Variants in TNFRSF11A observed in about 807,000 individuals in gnomAD.
TNFRSF11A encodes tumor necrosis factor receptor superfamily member 11A.
Under a neutral mutation model 55.7 loss-of-function variants are expected in TNFRSF11A, and 32 were observed. The ratio of observed to expected loss-of-function variants is 0.57; its 90% CI spans 0.43 to 0.77. TNFRSF11A has a LOEUF of 0.77. TNFRSF11A is among the 30% of genes least tolerant of loss of function. TNFRSF11A has a pLI of 0.00. For synonymous variants in TNFRSF11A, 311 were observed against 331.0 expected (o/e 0.94, Z 0.65); for missense variants, 753 against 809.8 (o/e 0.93, Z 0.85).
At chr18:62,359,384 A>AT (rs60260029) in intron 5 of TNFRSF11A, among the ~76,000 whole-genome samples, 12 of 150,108 alleles carry the variant, frequency 8.0e-5, no homozygotes, top group African/African-American at 9.8e-5. Flanking sequence ...TGGAATATGC[A>AT]TTTTTTTTTT....
intron 3 of TNFRSF11A, among the ~76,000 whole-genome samples, chr18:62,353,150 C>T (rs2046498292): frequency 6.6e-6 from 1 of 152,316 alleles, no homozygotes; most frequent in Non-Finnish European, 1.5e-5. Context: ...GCCATTACTC[C>T]TAGTGGATTA....
intron 2 of TNFRSF11A, 128 bp from the exon 3 acceptor site, chr18:62,349,684 C>T (rs1204558240): frequency 4.6e-6 from 5 of 1,090,372 alleles, no homozygotes; most frequent in Non-Finnish European, 5.5e-6. Flanking sequence ...TGGGGGGTGT[C>T]CTGGGATCAT....
chr18:62,345,641 A>G (rs1233333220), intron 1 of TNFRSF11A, among the ~76,000 whole-genome samples: 3 of 152,142 alleles, frequency 2.0e-5, no homozygotes, highest in African/African-American at 7.2e-5. Context: ...GATAGCCGCG[A>G]TGGTTGTTCA....
In TNFRSF11A at chr18:62,389,379, A is replaced by C. The variant is rs908703100; in HGVS notation, c.*4345A>C. ...CCAGCAGTGAGCACAGGCGGGGTCT[A>C]GGTGGGATCACTGAAGCCAAGCCAA... On this transcript the variant is annotated 3_prime_UTR_variant, in exon 10 of 10. Coordinates refer to ENST00000586569, the MANE Select transcript of TNFRSF11A (RefSeq NM_003839.4). 6.6e-5 allele frequency: 10 copies of C among 152,520 alleles called. No individual in the cohort carries two copies. The East Asian group carries it at 1.2e-3, about 18-fold the overall frequency. The allele number at this position is 152,520 out of a possible 1,614,324, so 9.4% of individuals were successfully genotyped here.
At chr18:62,365,105 C>T (rs141660852) in intron 7 of TNFRSF11A, among the ~76,000 whole-genome samples, 2,710 of 152,214 alleles carry the variant, frequency 0.018, 37 homozygotes, top group Non-Finnish European at 0.027. Context: ...GGACCACAGG[C>T]ATGCACCACC....
chr18:62,356,614 A>C (rs552791592), intron 4 of TNFRSF11A, among the ~76,000 whole-genome samples: 5 of 152,228 alleles, frequency 3.3e-5, no homozygotes, highest in Admixed American at 6.5e-5. Flanking sequence ...TTCAATTCAG[A>C]ACAAGTCAGC....
chr18:62,334,788 A>C (rs1160906598), intron 1 of TNFRSF11A, among the ~76,000 whole-genome samples: 1 of 152,164 alleles, frequency 6.6e-6, no homozygotes, highest in African/African-American at 2.4e-5. Context: ...CAGAACACAC[A>C]TGGCCTCTGG....
chr18:62,385,156 C>A lies in TNFRSF11A; in HGVS notation c.*122C>A. Reference sequence around the variant, plus strand: ...GGTACAGTCGAGGAAGACCACCCGGCATTCTCTGCCCACTTTGCCTTCCAG... The same window carrying A: ...GGTACAGTCGAGGAAGACCACCCGGAATTCTCTGCCCACTTTGCCTTCCAG... On this transcript the variant is annotated 3_prime_UTR_variant, in exon 10 of 10. Transcript: ENST00000586569. 1 of 1,140,546 alleles carries A rather than the reference C, an allele frequency of 8.8e-7. No homozygotes were observed. Among genetic ancestry groups the A allele is most frequent in the Non-Finnish European group, 1.1e-6 (1 of 871,988 alleles). 70.7% of individuals were successfully genotyped at this position (1,140,546 alleles called of 1,614,324 possible).
intron 1 of TNFRSF11A, among the ~76,000 whole-genome samples, chr18:62,334,217 C>G (rs2046198160): frequency 6.6e-6 from 1 of 152,106 alleles, no homozygotes. Flanking sequence ...TAAGGCTAAT[C>G]CAGATAAAAG....
chr18:62,387,166 A>G lies in TNFRSF11A; in HGVS notation c.*2132A>G, dbSNP rs1283663177. 1 of 152,214 alleles carries G rather than the reference A, an allele frequency of 6.6e-6. No individual in the cohort carries two copies. Among genetic ancestry groups the G allele is most frequent in the African/African-American group, 2.4e-5 (1 of 41,452 alleles). 9.4% of individuals were successfully genotyped at this position (152,214 alleles called of 1,614,324 possible). ...TAAAGTACCTTGAGATCCTTAAATC[A>G]AAGGTGCTATATACATAAGTAAGAC... On this transcript the variant is annotated 3_prime_UTR_variant, in exon 10 of 10. Coordinates refer to ENST00000586569, the MANE Select transcript of TNFRSF11A (RefSeq NM_003839.4).
chr18:62,355,677 C>T (rs1274888365), intron 4 of TNFRSF11A, among the ~76,000 whole-genome samples: 1 of 152,142 alleles, frequency 6.6e-6, no homozygotes, highest in Non-Finnish European at 1.5e-5. Flanking sequence ...CAATTGGTCA[C>T]AAATGAATAT....
chr18:62,355,909 A>G (rs1333309145), intron 4 of TNFRSF11A, among the ~76,000 whole-genome samples: 1 of 152,258 alleles, frequency 6.6e-6, no homozygotes, highest in African/African-American at 2.4e-5. Flanking sequence ...CACTTTGGTT[A>G]TAGGTGTGTC....
At chr18:62,371,259 A>C (rs1280021923) in intron 9 of TNFRSF11A, among the ~76,000 whole-genome samples, 1 of 152,182 alleles carries the variant, frequency 6.6e-6, no homozygotes, top group African/African-American at 2.4e-5. Context: ...CCACACTGTC[A>C]GGGGCAGACC....
In TNFRSF11A at chr18:62,386,848, G is replaced by A. The variant is rs933741817; in HGVS notation, c.*1814G>A. The A allele has an allele frequency of 6.6e-6, 1 of 152,208 alleles. No homozygotes were observed. Among genetic ancestry groups the A allele is most frequent in the Non-Finnish European group, 1.5e-5 (1 of 68,036 alleles). 9.4% of individuals were successfully genotyped at this position (152,208 alleles called of 1,614,324 possible). A position where few individuals can be genotyped will look rare whatever the true frequency, so the allele number is the denominator to read the frequency against. On this transcript the variant is annotated 3_prime_UTR_variant, in exon 10 of 10. Coordinates refer to ENST00000586569, the MANE Select transcript of TNFRSF11A (RefSeq NM_003839.4). ...CAGGAAATAACTGCACAGCCAGGAG[G>A]ATCCGTTGGTGGGAATTTACCGTCA...
At chr18:62,348,057 TCAAAAAAA>T (rs2046410527) in intron 1 of TNFRSF11A, 103 bp from the exon 2 acceptor site, 2 of 726,510 alleles carry the variant, frequency 2.8e-6, no homozygotes, top group East Asian at 2.8e-5. Flanking sequence ...GAAACTCCAT[TCAAAAAAA>T]AAAAAAAAAA....
In TNFRSF11A at chr18:62,384,777, A is replaced by G; in HGVS notation, c.1594A>G (p.Thr532Ala). Residue 532 changes from threonine to alanine, a missense_variant, in exon 10 of 10, where the codon ACG becomes GCG. By Grantham distance (58) the Thr-to-Ala change is moderately conservative (BLOSUM62 0). Around this residue, in one of 3 missense-constraint regions of TNFRSF11A, gnomAD observed 567 missense variants for 596.7 expected, o/e 0.95. Coordinates refer to ENST00000586569, the MANE Select transcript of TNFRSF11A (RefSeq NM_003839.4). ...SGNVTGNSNS[T>A]FISSGQVMNF... ...AAATGTGACTGGAAACAGTAACTCC[A>G]CGTTCATCTCCAGCGGGCAGGTGAT... The G allele has an allele frequency of 6.2e-7, 1 of 1,612,514 alleles. No individual in the cohort carries two copies. The highest frequency in any genetic ancestry group is 8.5e-7 in the Non-Finnish European group (1 of 1,179,416).
At chr18:62,374,280 C>G (rs1385058387) in intron 9 of TNFRSF11A, 1 of 152,170 alleles carries the variant, frequency 6.6e-6, no homozygotes, top group Non-Finnish European at 1.5e-5. Context: ...GTCTGTAAGA[C>G]TTTCTAAGTA....
At chr18:62,371,115 C>T (rs1910520141) in intron 9 of TNFRSF11A, among the ~76,000 whole-genome samples, 2 of 152,240 alleles carry the variant, frequency 1.3e-5, no homozygotes, top group African/African-American at 4.8e-5. Context: ...CAGGCGTGAG[C>T]CACTGCACCT....
rs919492256 is a variant in TNFRSF11A at position 62,384,900 on chromosome 18, G to A, written c.1717G>A (p.Glu573Lys). ...AEPMGRPVQE[E>K]TLARRDSFAG... ...GCCCATGGGCCGCCCGGTGCAGGAG[G>A]AGACCCTGGCGCGCCGAGACTCCTT... Residue 573 changes from glutamate to lysine, a missense_variant, in exon 10 of 10, where the codon GAG becomes AAG. Transcript: ENST00000586569. The A allele has an allele frequency of 1.3e-6, 2 of 1,580,212 alleles. No homozygotes were observed. The highest frequency in any genetic ancestry group is 1.7e-6 in the Non-Finnish European group (2 of 1,163,790).
Sources: gnomAD v4.1 joint callset for allele counts (sites outside exome capture counted in the v4.1 genomes callset) on GRCh38, gnomAD v4.1.1 for gene constraint, gnomAD v4.1.1 regional missense constraint, MANE v1.5 for transcripts, NCBI Gene and HGNC (gene_info 2026-07-23, HGNC 2026-07-21) for gene names.